The following SORCS1 variants were observed in gnomAD, a reference collection of about 807,000 sequenced individuals.
SORCS1 encodes VPS10 domain-containing receptor SorCS1.
In SORCS1, 60 loss-of-function variants were observed where a neutral mutation model predicts 146.1. The ratio of observed to expected loss-of-function variants is 0.41; its 90% confidence interval spans 0.33 to 0.51. The LOEUF (loss-of-function observed/expected upper bound fraction) is 0.51. Among genes scored for constraint, SORCS1 ranks in the 20% least tolerant of loss-of-function variants. The pLI, the probability that SORCS1 is intolerant of heterozygous loss-of-function variation, is 0.21. For missense variants in SORCS1, 1,352 were observed against 1,487.6 expected, an observed-to-expected ratio of 0.91 and a Z score of 1.50; for synonymous variants, 637 against 584.0, an observed-to-expected ratio of 1.09 and a Z score of -1.31.
At chr10:106,818,828 T>C (rs1380240326) in intron 3 of SORCS1, among the ~76,000 whole-genome samples, 1 of 152,210 alleles carries the variant, frequency 6.6e-6, no homozygotes, top group African/African-American at 2.4e-5. Flanking sequence ...TTCATCTTCC[T>C]TTCCCCTTCT....
chr10:106,906,258 G>A (rs1033708140), intron 2 of SORCS1, among the ~76,000 whole-genome samples: 30 of 152,270 alleles, frequency 2.0e-4, no homozygotes, highest in African/African-American at 7.0e-4. Context: ...GGGATTACAG[G>A]TGCCCACCAC....
At chr10:106,748,859 A>G (rs1156656762) in intron 5 of SORCS1, among the ~76,000 whole-genome samples, 1 of 152,184 alleles carries the variant, frequency 6.6e-6, no homozygotes, top group East Asian at 1.9e-4. Context: ...CCTACATCTC[A>G]GCATTTTGCT....
chr10:107,032,814 ACT>A (rs1564950435), intron 1 of SORCS1, among the ~76,000 whole-genome samples: 1 of 151,998 alleles, frequency 6.6e-6, no homozygotes, highest in Non-Finnish European at 1.5e-5. Flanking sequence ...CCCTCTCTTC[ACT>A]CTGCGCACTT....
At chr10:107,161,635 A>G (rs1969713680) in intron 1 of SORCS1, among the ~76,000 whole-genome samples, 1 of 152,182 alleles carries the variant, frequency 6.6e-6, no homozygotes, top group Non-Finnish European at 1.5e-5. Context: ...TCAAACCACA[A>G]ATAAGCAGAA....
chr10:106,794,349 AC>A, intron 3 of SORCS1, among the ~76,000 whole-genome samples: 2 of 152,294 alleles, frequency 1.3e-5, no homozygotes, highest in Non-Finnish European at 2.9e-5. Flanking sequence ...AAAAAAGCAT[AC>A]ATTCTTAGCT....
intron 2 of SORCS1, among the ~76,000 whole-genome samples, chr10:106,930,036 G>A (rs1953319766): frequency 6.6e-6 from 1 of 152,162 alleles, no homozygotes; most frequent in African/African-American, 2.4e-5. Context: ...CACAAGGTCA[G>A]GAGATTGAGA....
At position 106,579,488 on chromosome 10, in the gene SORCS1, C is replaced by T; in HGVS notation, c.3266-14G>A. 6.2e-7 allele frequency: 1 copy of T among 1,613,196 alleles called. No individual in the cohort carries two copies. Among genetic ancestry groups the T allele is most frequent in the African/African-American group, 1.3e-5 (1 of 74,912 alleles). On this transcript the variant is annotated splice_polypyrimidine_tract_variant and intron_variant, in intron 24 of 25. Transcript: ENST00000263054. ...CCACCAGGGGGGCTTGTGGGGGAAACAGAGCAGAGAAAAATGAGCAGAGAA... is the reference window on the plus strand; with the variant it reads ...CCACCAGGGGGGCTTGTGGGGGAAATAGAGCAGAGAAAAATGAGCAGAGAA...
At chr10:106,628,737 G>T (rs1848251543) in intron 19 of SORCS1, among the ~76,000 whole-genome samples, 1 of 152,120 alleles carries the variant, frequency 6.6e-6, no homozygotes, top group Non-Finnish European at 1.5e-5. Context: ...ACCCTAAAAG[G>T]ATTATTAATA....
At chr10:106,750,762 G>C (rs12761474) in intron 5 of SORCS1, among the ~76,000 whole-genome samples, 1 of 48,660 alleles carries the variant, frequency 2.1e-5, no homozygotes, top group Non-Finnish European at 4.2e-5. Context: ...AAAAAAAAAA[G>C]AAAAGAAAAA....
intron 1 of SORCS1, among the ~76,000 whole-genome samples, chr10:106,984,560 A>AT (rs1307892280): frequency 6.6e-6 from 1 of 151,594 alleles, no homozygotes; most frequent in African/African-American, 2.4e-5. Flanking sequence ...CGCCCAGCTA[A>AT]TTTTTTGCAT....
intron 3 of SORCS1, among the ~76,000 whole-genome samples, chr10:106,821,200 T>C (rs1283689962): frequency 6.6e-6 from 1 of 152,238 alleles, no homozygotes; most frequent in Non-Finnish European, 1.5e-5. Flanking sequence ...ATAAAAAACA[T>C]GCAGTTTCCA....
At chr10:106,762,052 G>A (rs927417978) in intron 4 of SORCS1, among the ~76,000 whole-genome samples, 1 of 152,154 alleles carries the variant, frequency 6.6e-6, no homozygotes, top group African/African-American at 2.4e-5. Context: ...TTCTGGAAGA[G>A]TACGCAATGT....
chr10:106,729,725 T>C (rs1589754179), intron 6 of SORCS1, among the ~76,000 whole-genome samples: 1 of 152,156 alleles, frequency 6.6e-6, no homozygotes, highest in South Asian at 2.1e-4. Flanking sequence ...TACAAATATA[T>C]GTGAAAATAT....
rs140503285 is a variant in SORCS1 at position 107,040,640 on chromosome 10, T to C, written c.559-84060A>G. ...AGCCTCAATGTCCCCTTCTGCAAAA[T>C]GATCATGATTAATATCAGCATGCAT... On this transcript the variant is annotated intron_variant, in intron 1 of 25. Coordinates refer to ENST00000263054, the MANE Select transcript of SORCS1 (RefSeq NM_052918.5). Among the ~76,000 whole-genome samples the C allele has an allele frequency of 9.3e-4, 141 of 152,306 alleles. 2 individuals carry two copies. The highest frequency in any genetic ancestry group is 3.3e-3 in the African/African-American group (138 of 41,574).
At chr10:107,177,670 A>G in the SORCS1 span, among the ~76,000 whole-genome samples, 2 of 152,232 alleles carry the variant, frequency 1.3e-5, no homozygotes, top group Non-Finnish European at 2.9e-5. Flanking sequence ...ACATTCTTAC[A>G]ATATGTAATG....
intron 1 of SORCS1, among the ~76,000 whole-genome samples, chr10:107,056,321 C>T (rs1323874331): frequency 5.3e-5 from 8 of 152,318 alleles, no homozygotes; most frequent in Admixed American, 3.9e-4. Flanking sequence ...GAACTCTGCT[C>T]TTTTGCCTCA....
At chr10:107,134,706 G>T (rs990625405) in intron 1 of SORCS1, among the ~76,000 whole-genome samples, 1 of 152,176 alleles carries the variant, frequency 6.6e-6, no homozygotes, top group Non-Finnish European at 1.5e-5. Flanking sequence ...TGTAAGGGTT[G>T]GGGTGGGATG....
chr10:106,649,783 T>C (rs1174984350), intron 18 of SORCS1, among the ~76,000 whole-genome samples: 1 of 152,208 alleles, frequency 6.6e-6, no homozygotes, highest in African/African-American at 2.4e-5. Flanking sequence ...TGTCTCTTAC[T>C]GTTTTTTCTC....
chr10:107,143,094 T>C (rs965902368), intron 1 of SORCS1, among the ~76,000 whole-genome samples: 3 of 152,186 alleles, frequency 2.0e-5, no homozygotes, highest in African/African-American at 7.2e-5. Context: ...CTTGAGAAAG[T>C]AGGTGTAAAA....
Sources: allele counts gnomAD v4.1 joint callset (sites outside exome capture counted in the v4.1 genomes callset), GRCh38; gene constraint gnomAD v4.1.1; transcripts MANE v1.5; gene names NCBI Gene and HGNC (gene_info 2026-07-23, HGNC 2026-07-21).